The following STK32B variants were observed in gnomAD, a reference collection of about 807,000 sequenced individuals.
The protein encoded by STK32B is serine/threonine-protein kinase 32B.
In STK32B, 43 loss-of-function variants were observed where a neutral mutation model predicts 52.6. The ratio of observed to expected loss-of-function variants is 0.82; its 90% CI spans 0.64 to 1.05. The LOEUF (loss-of-function observed/expected upper bound fraction) is 1.05, where lower values mean the gene tolerates loss of function less well. Among genes scored for constraint, STK32B ranks in the 50% least tolerant of loss-of-function variants. The pLI is 0.00. For synonymous variants in STK32B, 238 were observed against 204.3 expected (o/e 1.17, Z -1.41); for missense variants, 621 against 534.6 (o/e 1.16, Z -1.59).
chr4:5,390,964 CTTT>C (rs71638602), intron 4 of STK32B, among the ~76,000 whole-genome samples: 2 of 124,014 alleles, frequency 1.6e-5, no homozygotes. Flanking sequence ...TCTTTTCTAT[CTTT>C]TTTTTTTTTT....
At chr4:5,485,028 C>T (rs1322722479) in intron 11 of STK32B, among the ~76,000 whole-genome samples, 2 of 151,954 alleles carry the variant, frequency 1.3e-5, no homozygotes, top group Non-Finnish European at 2.9e-5. Flanking sequence ...CCCATTTTTT[C>T]CTTCATTTCA....
At chr4:5,284,098 G>C (rs1294256521) in intron 3 of STK32B, among the ~76,000 whole-genome samples, 1 of 152,070 alleles carries the variant, frequency 6.6e-6, no homozygotes, top group African/African-American at 2.4e-5. Context: ...GTAAAAGAGG[G>C]AGAGGGAGTG....
intron 3 of STK32B, among the ~76,000 whole-genome samples, chr4:5,293,367 T>C (rs959907952): frequency 6.6e-6 from 1 of 152,162 alleles, no homozygotes; most frequent in Non-Finnish European, 1.5e-5. Context: ...ATCTCCACAC[T>C]GTCTTCCACA....
intron 5 of STK32B, among the ~76,000 whole-genome samples, chr4:5,407,037 T>C (rs1166569886): frequency 6.6e-6 from 1 of 152,134 alleles, no homozygotes; most frequent in African/African-American, 2.4e-5. Context: ...CCAGGTCACT[T>C]TTTTACTCAT....
At chr4:5,451,198 G>A (rs1013363839) in intron 7 of STK32B, among the ~76,000 whole-genome samples, 1 of 152,226 alleles carries the variant, frequency 6.6e-6, no homozygotes, top group African/African-American at 2.4e-5. Context: ...GTAGATGCAG[G>A]TAAAGCTCTG....
At chr4:5,190,698 G>C (rs1387946883) in intron 3 of STK32B, among the ~76,000 whole-genome samples, 1 of 152,164 alleles carries the variant, frequency 6.6e-6, no homozygotes, top group Non-Finnish European at 1.5e-5. Context: ...GTGTGAATAA[G>C]GATGCTCACA....
At chr4:5,212,236 T>TG (rs1013677622) in intron 3 of STK32B, among the ~76,000 whole-genome samples, 2 of 152,094 alleles carry the variant, frequency 1.3e-5, no homozygotes, top group Admixed American at 6.6e-5. Context: ...ATTTAGAAGG[T>TG]GGGGAAACAG....
At chr4:5,161,871 A>G (rs1718475680) in intron 2 of STK32B, among the ~76,000 whole-genome samples, 1 of 152,074 alleles carries the variant, frequency 6.6e-6, no homozygotes, top group East Asian at 1.9e-4. Flanking sequence ...ATTTCCCAGA[A>G]TCTTGCCCCT....
At chr4:5,278,368 G>A (rs1158371215) in intron 3 of STK32B, among the ~76,000 whole-genome samples, 1 of 152,330 alleles carries the variant, frequency 6.6e-6, no homozygotes, top group Non-Finnish European at 1.5e-5. Context: ...TCTCAGTTAT[G>A]TTGGGAGTTG....
intron 4 of STK32B, among the ~76,000 whole-genome samples, chr4:5,339,887 T>C (rs1330234855): frequency 6.6e-6 from 1 of 152,190 alleles, no homozygotes; most frequent in Admixed American, 6.5e-5. Context: ...ATTTCCTCTG[T>C]CTGGGGGAAC....
intron 1 of STK32B, among the ~76,000 whole-genome samples, chr4:5,063,069 C>T (rs1483222205): frequency 6.6e-6 from 1 of 152,130 alleles, no homozygotes; most frequent in Non-Finnish European, 1.5e-5. Flanking sequence ...TTGTGTATGT[C>T]TCCTGTTGCA....
chr4:5,158,645 T>A (rs1718061069), intron 2 of STK32B, among the ~76,000 whole-genome samples: 1 of 152,122 alleles, frequency 6.6e-6, no homozygotes, highest in Non-Finnish European at 1.5e-5. Context: ...AAAACTGATT[T>A]TCACAGTTCC....
chr4:5,113,598 C>G (rs1714526896), intron 1 of STK32B, among the ~76,000 whole-genome samples: 1 of 152,184 alleles, frequency 6.6e-6, no homozygotes, highest in African/African-American at 2.4e-5. Context: ...GATCATATCA[C>G]TCCATTTCTT....
chr4:5,143,112 T>TGTC (rs1327000083), intron 2 of STK32B, among the ~76,000 whole-genome samples: 1 of 144,260 alleles, frequency 6.9e-6, no homozygotes, highest in Non-Finnish European at 1.5e-5. Context: ...TCTGTCTGTC[T>TGTC]GTCTGTCTGT....
At chr4:5,226,702 G>T in intron 3 of STK32B, among the ~76,000 whole-genome samples, 1 of 152,146 alleles carries the variant, frequency 6.6e-6, no homozygotes, top group African/African-American at 2.4e-5. Context: ...TGGCAATTTG[G>T]ATATGCCAAA....
intron 1 of STK32B, among the ~76,000 whole-genome samples, chr4:5,085,030 T>A (rs779700211): frequency 6.6e-6 from 1 of 152,216 alleles, no homozygotes; most frequent in Non-Finnish European, 1.5e-5. Context: ...CTCAGCATTT[T>A]CCAGAATGTA....
chr4:5,385,508 A>G (rs935476744), intron 4 of STK32B, among the ~76,000 whole-genome samples: 1 of 151,970 alleles, frequency 6.6e-6, no homozygotes, highest in Non-Finnish European at 1.5e-5. Context: ...CCACAAGTGG[A>G]GATGGCTACA....
chr4:5,312,984 G>T (rs1316782134), intron 3 of STK32B, among the ~76,000 whole-genome samples: 1 of 151,908 alleles, frequency 6.6e-6, no homozygotes, highest in Non-Finnish European at 1.5e-5. Flanking sequence ...TATGAAACTT[G>T]TATTATCCTG....
intron 3 of STK32B, among the ~76,000 whole-genome samples, chr4:5,211,035 T>C (rs539539584): frequency 7.9e-5 from 12 of 152,130 alleles, no homozygotes; most frequent in South Asian, 6.2e-4. Flanking sequence ...GCTCAAATGA[T>C]CCTCCCACTT....
Sources: allele counts gnomAD v4.1 joint callset (sites outside exome capture counted in the v4.1 genomes callset), GRCh38; gene constraint gnomAD v4.1.1; transcripts MANE v1.5; gene names NCBI Gene and HGNC (gene_info 2026-07-23, HGNC 2026-07-21).